GRID2: variants seen among roughly 807,000 people sequenced by gnomAD.
The protein encoded by GRID2 is glutamate receptor ionotropic, delta-2.
In GRID2, 33 loss-of-function variants were observed where a neutral mutation model predicts 114.8. That is an observed-to-expected ratio of 0.29 (90% CI 0.22 to 0.38). The LOEUF (loss-of-function observed/expected upper bound fraction) is 0.38, where lower values mean the gene tolerates loss of function less well. Among genes scored for constraint, GRID2 ranks in the 10% least tolerant of loss-of-function variants. The pLI is 1.00. For synonymous variants in GRID2, 505 were observed against 449.9 expected, an observed-to-expected ratio of 1.12 and a Z score of -1.55; for missense variants, 1,184 against 1,257.7, an observed-to-expected ratio of 0.94 and a Z score of 0.89.
chr4:92,633,440 A>G (rs762130218), intron 2 of GRID2, among the ~76,000 whole-genome samples: 2 of 152,152 alleles, frequency 1.3e-5, no homozygotes, highest in Non-Finnish European at 2.9e-5. Context: ...AGAGGTTGGA[A>G]GGGAGAAGAA....
intron 14 of GRID2, among the ~76,000 whole-genome samples, chr4:93,673,926 C>T (rs1242987743): frequency 6.6e-6 from 1 of 151,974 alleles, no homozygotes; most frequent in Non-Finnish European, 1.5e-5. Flanking sequence ...AACTAGTGAC[C>T]CCGCCCTCTC....
At chr4:92,454,279 T>A (rs1721096735) in intron 1 of GRID2, among the ~76,000 whole-genome samples, 3 of 152,158 alleles carry the variant, frequency 2.0e-5, no homozygotes, top group Admixed American at 2.0e-4. Context: ...ATTCATTACC[T>A]GATCAGCAAA....
chr4:92,737,850 A>G lies in GRID2; in HGVS notation c.244+147564A>G, dbSNP rs1018115013. 8.5e-5 allele frequency among the ~76,000 whole-genome samples: 13 copies of G among 152,232 alleles called. 1 individual carries two copies. The South Asian group carries it at 2.1e-3, about 24-fold the overall frequency. On this transcript the variant is annotated intron_variant, in intron 2 of 15. Coordinates refer to ENST00000282020, the MANE Select transcript of GRID2 (RefSeq NM_001510.4). ...GGGCTTTTGTTTCTAAACTAATACT[A>G]TAGAAATCTATTCAGAGCTGGAATG...
intron 13 of GRID2, among the ~76,000 whole-genome samples, chr4:93,578,585 G>GTTTTTT (rs1736642083): frequency 9.5e-5 from 11 of 115,262 alleles, no homozygotes; most frequent in African/African-American, 4.2e-4. Flanking sequence ...CTTGTTTTTT[G>GTTTTTT]TATTTTTTTT....
chr4:93,352,844 A>G (rs984324674), intron 8 of GRID2, among the ~76,000 whole-genome samples: 10 of 152,006 alleles, frequency 6.6e-5, no homozygotes, highest in African/African-American at 2.4e-4. Context: ...AGATGCTTGG[A>G]CCAAAGCTTG....
At chr4:92,548,613 C>T (rs1048070063) in intron 1 of GRID2, among the ~76,000 whole-genome samples, 2 of 151,342 alleles carry the variant, frequency 1.3e-5, no homozygotes, top group Non-Finnish European at 2.9e-5. Context: ...AGGCTGGTCT[C>T]GAACTCCTGA....
chr4:93,015,559 A>T (rs1722600353), intron 2 of GRID2, among the ~76,000 whole-genome samples: 1 of 152,204 alleles, frequency 6.6e-6, no homozygotes, highest in Non-Finnish European at 1.5e-5. Flanking sequence ...TGCTCAACAC[A>T]TAGGAAATGA....
At chr4:92,861,556 T>C (rs1268461473) in intron 2 of GRID2, among the ~76,000 whole-genome samples, 1 of 152,116 alleles carries the variant, frequency 6.6e-6, no homozygotes, top group Non-Finnish European at 1.5e-5. Context: ...ATCTTAATAA[T>C]CACCATCTTT....
In GRID2 at chr4:93,407,739, C is replaced by CTTCTCCTCCTCCTCCTCCTCCTCG. The variant is rs1560588445; in HGVS notation, c.1347+12032_1347+12033insTCTCCTCCTCCTCCTCCTCCTCGT. Among the ~76,000 whole-genome samples, 140 of 125,996 alleles carry CTTCTCCTCCTCCTCCTCCTCCTCG rather than the reference C, an allele frequency of 1.1e-3. 6 individuals carry two copies. The highest frequency in any genetic ancestry group is 4.4e-3 in the African/African-American group (132 of 30,126). 82.7% of individuals were successfully genotyped at this position (125,996 alleles called of 152,430 possible). A position where few individuals can be genotyped will look rare whatever the true frequency, so the allele number is the denominator to read the frequency against. Reference sequence around the variant, plus strand: ...CCTCCTCCTTCTCCTCCTCCTCCTCCTCCTCCTCCTCCTCCTCGTCCTCCT... The same window carrying CTTCTCCTCCTCCTCCTCCTCCTCG: ...CCTCCTCCTTCTCCTCCTCCTCCTCCTTCTCCTCCTCCTCCTCCTCCTCGTCCTCCTCCTCCTCCTCGTCCTCCT... On this transcript the variant is annotated intron_variant, in intron 9 of 15. Transcript: ENST00000282020.
At chr4:92,562,192 A>T (rs1727131467) in intron 1 of GRID2, among the ~76,000 whole-genome samples, 1 of 152,134 alleles carries the variant, frequency 6.6e-6, no homozygotes. Context: ...ACAACATGAA[A>T]TCTCCTTGAA....
intron 2 of GRID2, among the ~76,000 whole-genome samples, chr4:92,614,900 T>G (rs572953892): frequency 6.6e-6 from 1 of 151,620 alleles, no homozygotes; most frequent in Admixed American, 6.6e-5. Flanking sequence ...TGTTTAGAAT[T>G]ATTATATTTT....
At chr4:93,208,915 A>G (rs1743125702) in intron 5 of GRID2, among the ~76,000 whole-genome samples, 1 of 152,024 alleles carries the variant, frequency 6.6e-6, no homozygotes, top group Admixed American at 6.6e-5. Context: ...GGGAAAGACA[A>G]AGGAAAAGGA....
At chr4:93,648,111 A>G (rs1294916667) in intron 14 of GRID2, among the ~76,000 whole-genome samples, 3 of 152,180 alleles carry the variant, frequency 2.0e-5, no homozygotes, top group African/African-American at 7.2e-5. Flanking sequence ...GAAAATAGAA[A>G]GAGGGACGAT....
chr4:92,622,854 A>G (rs1730337721), intron 2 of GRID2, among the ~76,000 whole-genome samples: 1 of 151,796 alleles, frequency 6.6e-6, no homozygotes, highest in African/African-American at 2.4e-5. Context: ...TTATTGTAAT[A>G]TCCAATAGGT....
At chr4:92,654,507 A>G (rs1311205776) in intron 2 of GRID2, among the ~76,000 whole-genome samples, 2 of 152,066 alleles carry the variant, frequency 1.3e-5, no homozygotes, top group Admixed American at 1.3e-4. Flanking sequence ...AGTTATGTAG[A>G]GGAGCAGTTT....
intron 2 of GRID2, among the ~76,000 whole-genome samples, chr4:92,731,371 A>G (rs1019928735): frequency 2.0e-5 from 3 of 151,940 alleles, no homozygotes; most frequent in Admixed American, 1.3e-4. Context: ...AATACCTAAT[A>G]CCAATTACCA....
chr4:93,804,130 T>C (rs1486407761), intron 1 of GRID2, among the ~76,000 whole-genome samples: 1 of 152,122 alleles, frequency 6.6e-6, no homozygotes, highest in East Asian at 1.9e-4. Flanking sequence ...AGGTGTTCCT[T>C]AGGATCTAAA....
rs971514847 is a variant in GRID2, at chr4:92,502,465, G to A, written c.89-87666G>A. Among the ~76,000 whole-genome samples, 7 of 152,008 alleles carry A rather than the reference G, an allele frequency of 4.6e-5. No individual in the cohort carries two copies. In the South Asian group the frequency reaches 1.0e-3, roughly 23 times the overall value. On this transcript the variant is annotated intron_variant, in intron 1 of 15. Transcript: ENST00000282020. ...GAGTTTATTTTGATGTTTCAAGGTA[G>A]TTTGATTAAATATAACATAAATACA...
intron 14 of GRID2, among the ~76,000 whole-genome samples, chr4:93,695,372 A>G (rs1187379418): frequency 6.6e-6 from 1 of 152,190 alleles, no homozygotes; most frequent in Non-Finnish European, 1.5e-5. Flanking sequence ...AAATTGTAAG[A>G]AGAGTAATTT....
Sources: allele counts gnomAD v4.1 joint callset (sites outside exome capture counted in the v4.1 genomes callset), GRCh38; gene constraint gnomAD v4.1.1; transcripts MANE v1.5; gene names NCBI Gene and HGNC (gene_info 2026-07-23, HGNC 2026-07-21).